Variants in PAPOLA observed in about 807,000 individuals in gnomAD.
PAPOLA encodes polynucleotide adenylyltransferase alpha.
A neutral mutation model predicts 100.6 loss-of-function variants in PAPOLA; 15 were observed. That is an observed-to-expected ratio of 0.15 (90% CI 0.10 to 0.23). PAPOLA has a LOEUF of 0.23. Among genes scored for constraint, PAPOLA ranks in the 10% least tolerant of loss-of-function variants. The probability of loss-of-function intolerance (pLI) is 1.00; values close to 1 mark genes in which losing one functional copy is unlikely to be tolerated. For missense variants in PAPOLA, 533 were observed against 884.2 expected (o/e 0.60, Z 5.04); for synonymous variants, 293 against 300.0 (o/e 0.98, Z 0.24).
Position 96,532,152 on chromosome 14 carries a change from T to A in PAPOLA, c.608-179T>A, listed in dbSNP as rs1899075746. 2.9e-6 allele frequency: 4 copies of A among 1,381,138 alleles called. No individual in the cohort carries two copies. The South Asian group carries it at 7.1e-5, about 25-fold the overall frequency. 85.6% of individuals were successfully genotyped at this position (1,381,138 alleles called of 1,614,324 possible). On this transcript the variant is annotated intron_variant, in intron 7 of 21. Coordinates refer to ENST00000216277, the MANE Select transcript of PAPOLA (RefSeq NM_032632.5). ...ATGCTTTAGATTTTTTCCCCCTCTT[T>A]ATTGAATTAGCTTTACTGGTTCTAC...
At chr14:96,559,044 T>C (rs1163760701) in intron 19 of PAPOLA, among the ~76,000 whole-genome samples, 1 of 151,842 alleles carries the variant, frequency 6.6e-6, no homozygotes, top group Non-Finnish European at 1.5e-5. Flanking sequence ...GTGTATGTTT[T>C]CTCAGTCTGG....
chr14:96,504,711 A>G (rs752760114), intron 1 of PAPOLA: 1 of 152,256 alleles, frequency 6.6e-6, no homozygotes, highest in Non-Finnish European at 1.5e-5. Flanking sequence ...TAAGTATACG[A>G]TAATTACTGT....
intron 10 of PAPOLA, chr14:96,535,451 C>T (rs1899436480): frequency 1.0e-6 from 1 of 984,152 alleles, no homozygotes; most frequent in Non-Finnish European, 1.2e-6. Flanking sequence ...AGCTTGAACT[C>T]CTTAATAGTT....
chr14:96,549,442 G>T (rs1900662402), intron 16 of PAPOLA, among the ~76,000 whole-genome samples: 1 of 151,858 alleles, frequency 6.6e-6, no homozygotes, highest in Non-Finnish European at 1.5e-5. Flanking sequence ...TAGAGACGGG[G>T]TTTCACCGTG....
At chr14:96,525,253 A>G in intron 3 of PAPOLA, 57 bp from the exon 4 acceptor site, 1 of 796,218 alleles carries the variant, frequency 1.3e-6, no homozygotes, top group Non-Finnish European at 2.2e-6. Flanking sequence ...GTATAGTATC[A>G]TTTGAATAGT....
At chr14:96,535,597 A>C in intron 10 of PAPOLA, 1 of 1,066,956 alleles carries the variant, frequency 9.4e-7, no homozygotes, top group African/African-American at 1.7e-5. Context: ...CTAAACATCA[A>C]TAGATTCCCA....
At chr14:96,506,483 C>T (rs779349089) in intron 1 of PAPOLA, among the ~76,000 whole-genome samples, 9 of 152,096 alleles carry the variant, frequency 5.9e-5, no homozygotes, top group African/African-American at 1.9e-4. Flanking sequence ...ATTTAGGAGA[C>T]TTAAATGAGA....
intron 19 of PAPOLA, among the ~76,000 whole-genome samples, chr14:96,559,581 C>CTCTCTATATATA (rs370979875): frequency 2.0e-4 from 24 of 120,176 alleles, no homozygotes; most frequent in South Asian, 8.8e-4. Flanking sequence ...CTCTCTCTCT[C>CTCTCTATATATA]TATATATATA....
chr14:96,562,757 T>G, intron 20 of PAPOLA, 62 bp from the exon 21 acceptor site: 1 of 995,330 alleles, frequency 1.0e-6, no homozygotes, highest in Non-Finnish European at 1.6e-6. Flanking sequence ...CCAAACCCAG[T>G]TATGTTCTTT....
In PAPOLA at chr14:96,520,091, G is replaced by A. The variant is rs1399851853; in HGVS notation, c.45G>A (p.Pro15=). The change falls in exon 2 of 22, where the codon CCG becomes CCA. Residue 15 remains proline (P), a synonymous_variant. Coordinates refer to ENST00000216277, the MANE Select transcript of PAPOLA (RefSeq NM_032632.5). ...CACAGGGATCACAACAAACACAACCGCCACAGAAGCACTATGGCATTACTT... is the reference window on the plus strand; with the variant it reads ...CACAGGGATCACAACAAACACAACCACCACAGAAGCACTATGGCATTACTT... ...VTTQGSQQTQ[P]PQKHYGITSP... is the part of the protein sequence containing the mutation. 9 of 1,613,464 alleles carry A rather than the reference G, an allele frequency of 5.6e-6. No individual in the cohort carries two copies. The highest frequency in any genetic ancestry group is 2.2e-5 in the East Asian group (1 of 44,864).
At chr14:96,542,660 T>G (rs772768235) in intron 13 of PAPOLA, 114 bp from the exon 14 acceptor site, 138 of 985,154 alleles carry the variant, frequency 1.4e-4, no homozygotes, top group Admixed American at 4.9e-4. Flanking sequence ...ACATAAGGCT[T>G]CTGGTTTTAT....
Position 96,532,570 on chromosome 14 carries a change from G to A in PAPOLA, c.757G>A (p.Val253Ile). 1.9e-6 allele frequency: 3 copies of A among 1,613,172 alleles called. No homozygotes were observed. Among genetic ancestry groups the A allele is most frequent in the Non-Finnish European group, 2.5e-6 (3 of 1,179,712 alleles). Residue 253 changes from valine to isoleucine, a missense_variant, in exon 9 of 22, where the codon GTA (valine) becomes ATA (isoleucine). Val to Ile is a conservative substitution (Grantham distance 29, BLOSUM62 3). Coordinates refer to ENST00000216277, the MANE Select transcript of PAPOLA (RefSeq NM_032632.5). The part of the protein sequence containing the change: ...FLGGVSWAML[V>I]ARTCQLYPNA... ...CGGTGGTGTTTCCTGGGCTATGCTA[G>A]TAGCAAGAACTTGCCAGCTTTATCC...
chr14:96,520,237 A>G lies in PAPOLA; in HGVS notation c.182+9A>G. 6.3e-7 allele frequency: 1 copy of G among 1,583,372 alleles called. No homozygotes were observed. Among genetic ancestry groups the G allele is most frequent in the Non-Finnish European group, 8.6e-7 (1 of 1,166,216 alleles). On this transcript the variant is annotated intron_variant, in intron 2 of 21. Coordinates refer to ENST00000216277, the MANE Select transcript of PAPOLA (RefSeq NM_032632.5). ...GAGGAACTGCAGCGCAGGTAAATAG[A>G]TATTCTATATTTTTTTAACTCGGAA...
At chr14:96,508,409 T>G (rs1374354813) in intron 1 of PAPOLA, among the ~76,000 whole-genome samples, 1 of 152,246 alleles carries the variant, frequency 6.6e-6, no homozygotes, top group Non-Finnish European at 1.5e-5. Flanking sequence ...AGATGTGGTG[T>G]TCTGCCTTAA....
chr14:96,531,840 A>G, intron 7 of PAPOLA: 1 of 1,400,326 alleles, frequency 7.1e-7, no homozygotes, highest in Non-Finnish European at 9.2e-7. Flanking sequence ...TGACTTTTGT[A>G]CTCTGTTGCT....
intron 20 of PAPOLA, among the ~76,000 whole-genome samples, chr14:96,561,031 G>A: frequency 6.6e-6 from 1 of 152,164 alleles, no homozygotes; most frequent in East Asian, 1.9e-4. Flanking sequence ...TGCAGAAATA[G>A]CAGTACATGT....
rs1899137598 is a variant in PAPOLA, at chr14:96,532,657, TTTAGA to T, written c.836+12_836+16del. 6 of 1,573,058 alleles carry T rather than the reference TTTAGA, an allele frequency of 3.8e-6. No individual in the cohort carries two copies. Among genetic ancestry groups the T allele is most frequent in the Non-Finnish European group, 5.2e-6 (6 of 1,163,934 alleles). On this transcript the variant is annotated intron_variant, in intron 9 of 21. Coordinates refer to ENST00000216277, the MANE Select transcript of PAPOLA (RefSeq NM_032632.5). ...CTTGGTATTTTCTAAATGGTATGTG[TTTAGA>T]TTATATTAAAATAAAATTGATTGTA...
chr14:96,542,329 A>C, intron 13 of PAPOLA, 33 bp downstream of exon 13: 1 of 1,383,258 alleles, frequency 7.2e-7, no homozygotes. Flanking sequence ...CAGAAAAAGC[A>C]AACTTCAAAA....
At position 96,502,610 on chromosome 14, in the gene PAPOLA, TTGTATTC is replaced by T; in HGVS notation, c.8+14_8+20del. On this transcript the variant is annotated intron_variant, in intron 1 of 21. Coordinates refer to ENST00000216277, the MANE Select transcript of PAPOLA (RefSeq NM_032632.5). ...CGGAGACGATGCCGTTGTAAGTAAT[TTGTATTC>T]TGTTTTCTTTCGCTCGCCGGCTGGG... 1 of 1,576,606 alleles carries T rather than the reference TTGTATTC, an allele frequency of 6.3e-7. No homozygotes were observed. Among genetic ancestry groups the T allele is most frequent in the African/African-American group, 1.4e-5 (1 of 72,594 alleles).
Sources: allele counts gnomAD v4.1 joint callset (sites outside exome capture counted in the v4.1 genomes callset), GRCh38; gene constraint gnomAD v4.1.1; transcripts MANE v1.5; gene names NCBI Gene and HGNC (gene_info 2026-07-23, HGNC 2026-07-21).